Variants in OSMR observed in about 807,000 individuals in gnomAD.
The protein encoded by OSMR is oncostatin M receptor.
A neutral mutation model predicts 99.9 loss-of-function variants in OSMR; 81 were observed. The ratio of observed to expected loss-of-function variants is 0.81; its 90% CI spans 0.68 to 0.97. The LOEUF is 0.97. Ranked by LOEUF, OSMR falls within the 50% of genes least tolerant of loss-of-function variation. The probability of loss-of-function intolerance (pLI) is 0.00; values close to 1 mark genes in which losing one functional copy is unlikely to be tolerated. For synonymous variants in OSMR, 406 were observed against 410.4 expected, an observed-to-expected ratio of 0.99 and a Z score of 0.13; for missense variants, 1,099 against 1,153.4, an observed-to-expected ratio of 0.95 and a Z score of 0.68.
In OSMR at chr5:38,934,589, C is replaced by G. The variant is rs1014332162; in HGVS notation, c.*1145C>G. ...AATCTCAGCTCACTGCAGCTTCCGC[C>G]TCCTAGATTCAAACAAACAGTTCTC... On this transcript the variant is annotated 3_prime_UTR_variant, in exon 18 of 18. Coordinates refer to ENST00000274276, the MANE Select transcript of OSMR (RefSeq NM_003999.3). 2.6e-5 allele frequency: 4 copies of G among 152,124 alleles called. No individual in the cohort carries two copies. The highest frequency in any genetic ancestry group is 9.7e-5 in the African/African-American group (4 of 41,408). 9.4% of individuals were successfully genotyped at this position (152,124 alleles called of 1,614,324 possible).
At chr5:38,922,985 A>G in intron 12 of OSMR, 165 bp from the exon 13 acceptor site, 1 of 220,076 alleles carries the variant, frequency 4.5e-6, no homozygotes, top group Non-Finnish European at 7.7e-6. Flanking sequence ...CATGTTGGCC[A>G]GGCTGGTCTC....
intron 15 of OSMR, among the ~76,000 whole-genome samples, chr5:38,925,755 G>A (rs74836319): frequency 0.023 from 3,538 of 152,270 alleles, 138 homozygotes; most frequent in African/African-American, 0.081. Context: ...AGTGGTGCTG[G>A]TTTTCTCAGC....
At chr5:38,941,033 T>C in intron 1 of OSMR, 1 of 232,896 alleles carries the variant, frequency 4.3e-6, no homozygotes, top group East Asian at 6.1e-5. Flanking sequence ...TTTACAAGCA[T>C]TCAAATGATG....
At chr5:38,940,231 T>TGGTG (rs1264752718), downstream of OSMR, 2 of 229,120 alleles carry the variant, frequency 8.7e-6, no homozygotes, top group African/African-American at 4.5e-5. Context: ...GGGATAGTGA[T>TGGTG]GGTGGGGGAG....
At chr5:38,890,289 T>C (rs1744069129) in intron 7 of OSMR, among the ~76,000 whole-genome samples, 1 of 152,194 alleles carries the variant, frequency 6.6e-6, no homozygotes, top group South Asian at 2.1e-4. Context: ...GCAAATATAC[T>C]GAACCTGAGT....
chr5:38,930,456 T>C (rs1746669816), intron 15 of OSMR, among the ~76,000 whole-genome samples: 1 of 152,182 alleles, frequency 6.6e-6, no homozygotes, highest in South Asian at 2.1e-4. Flanking sequence ...GCCCCATTTC[T>C]TCCAGGACAG....
chr5:38,850,395 T>C (rs1021398889), intron 1 of OSMR, among the ~76,000 whole-genome samples: 1 of 152,246 alleles, frequency 6.6e-6, no homozygotes, highest in African/African-American at 2.4e-5. Context: ...CCTTTCTTCC[T>C]TCTTCTCTCC....
chr5:38,910,938 A>C (rs1745539281), intron 9 of OSMR, among the ~76,000 whole-genome samples: 1 of 152,190 alleles, frequency 6.6e-6, no homozygotes, highest in Admixed American at 6.5e-5. Context: ...GGAACCTGGG[A>C]GGTGGAGGTT....
At position 38,876,207 on chromosome 5, in the gene OSMR, C is replaced by T; in HGVS notation, c.80C>T (p.Ala27Val). The T allele has an allele frequency of 6.2e-7, 1 of 1,612,530 alleles. No individual in the cohort carries two copies. The highest frequency in any genetic ancestry group is 8.5e-7 in the Non-Finnish European group (1 of 1,178,662). Residue 27 changes from alanine to valine, a missense_variant, in exon 3 of 18, where the codon GCT becomes GTT. By Grantham distance (64) the Ala-to-Val change is moderately conservative (BLOSUM62 0). Coordinates refer to ENST00000274276, the MANE Select transcript of OSMR (RefSeq NM_003999.3). Reference sequence around the variant, plus strand: ...TTCATTTTGATCTTTTCAGTCTTGGCTGAACGTTTACCATTGACTCCTGTA... The same window carrying T: ...TTCATTTTGATCTTTTCAGTCTTGGTTGAACGTTTACCATTGACTCCTGTA... ...SLRTYQSEVL[A>V]ERLPLTPVSL... is the part of the protein sequence containing the mutation.
chr5:38,856,664 TAG>T (rs2112086127), intron 1 of OSMR, among the ~76,000 whole-genome samples: 1 of 152,296 alleles, frequency 6.6e-6, no homozygotes, highest in Admixed American at 6.5e-5. Context: ...TTTTTGGTTT[TAG>T]AGATAGGCTC....
rs115702064 is a variant in OSMR at position 38,933,622 on chromosome 5, C to T, written c.*178C>T. 1.8e-3 allele frequency: 1,148 copies of T among 655,004 alleles called. 11 individuals are homozygous for T. In the African/African-American group the frequency reaches 0.019, roughly 11 times the overall value. 40.6% of individuals were successfully genotyped at this position (655,004 alleles called of 1,614,324 possible). A position where few individuals can be genotyped will look rare whatever the true frequency, so the allele number is the denominator to read the frequency against. On this transcript the variant is annotated 3_prime_UTR_variant, in exon 18 of 18. Coordinates refer to ENST00000274276, the MANE Select transcript of OSMR (RefSeq NM_003999.3). ...AGAGGCTATGGAACTTAACACTCCC[C>T]ATTGGAGCAAGCTTGCCCTAGAGAC...
At chr5:38,883,677 G>C (rs1314777586) in intron 4 of OSMR, 150 bp from the exon 5 acceptor site, 6 of 1,522,824 alleles carry the variant, frequency 3.9e-6, no homozygotes, top group Non-Finnish European at 4.4e-6. Context: ...ATGCACCAGA[G>C]GGTAGAGGTT....
In OSMR at chr5:38,931,665, G is replaced by A. The variant is rs1188910464; in HGVS notation, c.2213-218G>A. ...AAGAGATAGATAGTAACAAATTTGA[G>A]ACACACGGTGTTGATGGCAAATGGC... is the stretch of plus-strand genomic sequence containing the variant. On this transcript the variant is annotated intron_variant, in intron 15 of 17. Transcript: ENST00000274276. 8.5e-6 allele frequency: 3 copies of A among 352,970 alleles called. No homozygotes were observed. The Admixed American group carries it at 1.9e-4, about 23-fold the overall frequency. 21.9% of individuals were successfully genotyped at this position (352,970 alleles called of 1,614,324 possible).
Position 38,932,908 on chromosome 5 carries a change from T to A in OSMR, c.2404T>A (p.Cys802Ser). Reference protein sequence around the residue: ...PHLIIMNVSDCIPDAIEVVSK... With the variant: ...PHLIIMNVSDSIPDAIEVVSK... ...CCTAATAATAATGAATGTCAGTGAC[T>A]GTATCCCAGATGCTATTGAAGTTGT... Residue 802 changes from cysteine (C) to serine (S), a missense_variant, in exon 18 of 18, where the codon TGT becomes AGT. Coordinates refer to ENST00000274276, the MANE Select transcript of OSMR (RefSeq NM_003999.3). 6.2e-7 allele frequency: 1 copy of A among 1,614,106 alleles called. No homozygotes were observed. The highest frequency in any genetic ancestry group is 8.5e-7 in the Non-Finnish European group (1 of 1,179,926).
At chr5:38,942,483 T>C in intron 1 of OSMR, 1 of 536,114 alleles carries the variant, frequency 1.9e-6, no homozygotes. Flanking sequence ...AGGGTCTTGC[T>C]CAGTCTTCCC....
rs113413897 is a variant in OSMR, at chr5:38,924,432, C to T, written c.1881C>T (p.Asp627=). Reference sequence around the variant, plus strand: ...AACTTCTTTTCCTAGCTCCTTCAGACAACCCTCACGTGCTGGTGGATACAT... The same window carrying T: ...AACTTCTTTTCCTAGCTCCTTCAGATAACCCTCACGTGCTGGTGGATACAT... ...TGYSQELAPS[D]NPHVLVDTLT... is the part of the protein sequence containing the mutation. Residue 627 remains aspartate, a synonymous_variant, in exon 14 of 18, where the codon GAC becomes GAT. Transcript: ENST00000274276. 8 of 1,614,046 alleles carry T rather than the reference C, an allele frequency of 5.0e-6. No homozygotes were observed. Among genetic ancestry groups the T allele is most frequent in the African/African-American group, 1.3e-5 (1 of 74,938 alleles).
At chr5:38,926,250 G>A (rs1746468340) in intron 15 of OSMR, among the ~76,000 whole-genome samples, 1 of 152,224 alleles carries the variant, frequency 6.6e-6, no homozygotes, top group Non-Finnish European at 1.5e-5. Flanking sequence ...CACTGAAGCT[G>A]CAGCTGTAGA....
In OSMR at chr5:38,925,241, G is replaced by A. The variant is rs766754813; in HGVS notation, c.2082G>A (p.Pro694=). The A allele has an allele frequency of 2.6e-5, 42 of 1,613,612 alleles. No individual in the cohort carries two copies. Among genetic ancestry groups the A allele is most frequent in the Middle Eastern group, 3.3e-4 (2 of 6,084 alleles). ...SECCKYKIDN[P]EEKALIVDNL... ...GTTGCAAATACAAAATTGACAACCCGGAAGAAAAGGCATTGATTGTGGACA... is the reference window on the plus strand; with the variant it reads ...GTTGCAAATACAAAATTGACAACCCAGAAGAAAAGGCATTGATTGTGGACA... The change falls in exon 15 of 18, where the codon CCG becomes CCA. Residue 694 remains proline, a synonymous_variant. Coordinates refer to ENST00000274276, the MANE Select transcript of OSMR (RefSeq NM_003999.3).
At chr5:38,865,057 T>C (rs1741833720) in intron 1 of OSMR, among the ~76,000 whole-genome samples, 1 of 152,176 alleles carries the variant, frequency 6.6e-6, no homozygotes, top group Non-Finnish European at 1.5e-5. Flanking sequence ...AAGCTCTTGA[T>C]TGTATTTTTT....
Sources: gnomAD v4.1 joint callset for allele counts (sites outside exome capture counted in the v4.1 genomes callset) on GRCh38, gnomAD v4.1.1 for gene constraint, MANE v1.5 for transcripts, NCBI Gene and HGNC (gene_info 2026-07-23, HGNC 2026-07-21) for gene names.